The following PAPPA variants were observed in gnomAD, a reference collection of about 807,000 sequenced individuals.
PAPPA encodes the protein pappalysin-1.
In PAPPA, 60 loss-of-function variants were observed where a neutral mutation model predicts 164.0. The observed-to-expected ratio is 0.37, with a 90% CI of 0.30 to 0.45. The LOEUF is 0.45. Among genes scored for constraint, PAPPA ranks in the 20% least tolerant of loss-of-function variants. The pLI, the probability that PAPPA is intolerant of heterozygous loss-of-function variation, is 1.00. For missense variants in PAPPA, 1,782 were observed against 2,087.3 expected, an observed-to-expected ratio of 0.85 and a Z score of 2.85; for synonymous variants, 875 against 814.1, an observed-to-expected ratio of 1.07 and a Z score of -1.27.
chr9:116,187,660 G>A lies in PAPPA; in HGVS notation c.922G>A (p.Val308Met). The change falls in exon 2 of 22, where the codon GTG becomes ATG. Residue 308 changes from valine (V) to methionine (M), a missense_variant. Transcript: ENST00000328252. This position sits in a 1 kb window ranked among gnomAD's most constrained non-coding sequence, Gnocchi z 4.2. ...CATGAAGGATGGCAGCAGCCCCAAAGTGGAATTCAGCAATGCCCACGGCTT... is the reference window on the plus strand; with the variant it reads ...CATGAAGGATGGCAGCAGCCCCAAAATGGAATTCAGCAATGCCCACGGCTT... ...SPMKDGSSPK[V>M]EFSNAHGFLL... 6.2e-7 allele frequency: 1 copy of A among 1,614,266 alleles called. No homozygotes were observed. The highest frequency in any genetic ancestry group is 1.3e-5 in the African/African-American group (1 of 75,076).
chr9:116,206,575 C>G (rs1395421746), intron 2 of PAPPA, among the ~76,000 whole-genome samples: 1 of 152,154 alleles, frequency 6.6e-6, no homozygotes, highest in Non-Finnish European at 1.5e-5. Context: ...CACCAGGTAT[C>G]AAGCTTTGTG....
At chr9:116,337,247 A>G (rs928786507) in intron 13 of PAPPA, among the ~76,000 whole-genome samples, 1 of 152,152 alleles carries the variant, frequency 6.6e-6, no homozygotes, top group African/African-American at 2.4e-5. Context: ...CTGAGCTTGG[A>G]TCAGGCTATG....
At chr9:116,306,111 T>A (rs906957189) in intron 10 of PAPPA, among the ~76,000 whole-genome samples, 1 of 152,202 alleles carries the variant, frequency 6.6e-6, no homozygotes, top group Non-Finnish European at 1.5e-5. Context: ...CTTTCCCTGA[T>A]GCAATAAAAA....
chr9:116,162,641 T>C (rs1002317604), intron 1 of PAPPA, among the ~76,000 whole-genome samples: 2 of 152,210 alleles, frequency 1.3e-5, no homozygotes, highest in African/African-American at 4.8e-5. Context: ...TGTTACTTCA[T>C]AGGGTTGTTT....
At chr9:116,281,456 T>C (rs1370146660) in intron 9 of PAPPA, among the ~76,000 whole-genome samples, 4 of 152,064 alleles carry the variant, frequency 2.6e-5, no homozygotes, top group Admixed American at 6.6e-5. Flanking sequence ...TACCCTCGTG[T>C]CCCAACATCC....
intron 2 of PAPPA, among the ~76,000 whole-genome samples, chr9:116,199,189 G>A (rs546123321): frequency 6.6e-6 from 1 of 152,146 alleles, no homozygotes; most frequent in East Asian, 1.9e-4. Context: ...CCATTACCTG[G>A]TCCCATCACG....
At chr9:116,220,608 G>A (rs1844432393) in intron 5 of PAPPA, among the ~76,000 whole-genome samples, 1 of 151,404 alleles carries the variant, frequency 6.6e-6, no homozygotes, top group Non-Finnish European at 1.5e-5. Flanking sequence ...CATATACAAG[G>A]CCGGGCATGG....
At chr9:116,378,481 G>A (rs754938975) in intron 20 of PAPPA, among the ~76,000 whole-genome samples, 10 of 152,190 alleles carry the variant, frequency 6.6e-5, no homozygotes, top group South Asian at 4.1e-4. Flanking sequence ...TGAGGCAAAC[G>A]CAGGTGAAAA....
rs116115604 is a variant in PAPPA, at chr9:116,184,217, C to A, written c.416-2937C>A. Among the ~76,000 whole-genome samples the A allele has an allele frequency of 2.8e-3, 430 of 152,256 alleles. 1 individual carries two copies. The highest frequency in any genetic ancestry group is 9.5e-3 in the African/African-American group (396 of 41,550). On this transcript the variant is annotated intron_variant, in intron 1 of 21. Coordinates refer to ENST00000328252, the MANE Select transcript of PAPPA (RefSeq NM_002581.5). ...TCTCAACTGGTTCCATAACAGGCAGCAACAGATAGATCTGGCGCAACTCAC... is the reference window on the plus strand; with the variant it reads ...TCTCAACTGGTTCCATAACAGGCAGAAACAGATAGATCTGGCGCAACTCAC...
chr9:116,364,562 C>T (rs1306428542), intron 18 of PAPPA, among the ~76,000 whole-genome samples: 2 of 152,194 alleles, frequency 1.3e-5, no homozygotes, highest in Non-Finnish European at 2.9e-5. Context: ...ACAGCACTCA[C>T]ATGCAATACA....
At chr9:116,375,639 T>C (rs1385220587) in intron 19 of PAPPA, among the ~76,000 whole-genome samples, 1 of 152,204 alleles carries the variant, frequency 6.6e-6, no homozygotes, top group Non-Finnish European at 1.5e-5. Flanking sequence ...CCTGAGATTT[T>C]ATGGAGCAGA....
At chr9:116,385,067 C>T (rs1158235090) in intron 21 of PAPPA, among the ~76,000 whole-genome samples, 1 of 151,806 alleles carries the variant, frequency 6.6e-6, no homozygotes, top group Non-Finnish European at 1.5e-5. Flanking sequence ...AACCCCGTCT[C>T]TACTAAAAAT....
chr9:116,209,783 G>A (rs544186482), intron 3 of PAPPA, among the ~76,000 whole-genome samples: 58 of 152,256 alleles, frequency 3.8e-4, no homozygotes, highest in African/African-American at 1.3e-3. Context: ...GAAGCTTCAT[G>A]GAGAGACAGA....
intron 2 of PAPPA, among the ~76,000 whole-genome samples, chr9:116,204,382 T>G (rs945838832): frequency 6.6e-6 from 1 of 152,166 alleles, no homozygotes; most frequent in Admixed American, 6.5e-5. Context: ...GGATTTTGAT[T>G]GATTTTTCTG....
intron 9 of PAPPA, among the ~76,000 whole-genome samples, chr9:116,288,270 G>C (rs1419957354): frequency 6.6e-6 from 1 of 152,130 alleles, no homozygotes; most frequent in Non-Finnish European, 1.5e-5. Context: ...TTGGGAGGCT[G>C]AGGCAAGAGA....
intron 10 of PAPPA, among the ~76,000 whole-genome samples, chr9:116,306,468 G>T (rs1424662328): frequency 6.6e-6 from 1 of 152,144 alleles, no homozygotes; most frequent in Admixed American, 6.5e-5. Context: ...CCTGAACATT[G>T]AGTCTCATAT....
At chr9:116,339,333 T>C (rs1222795010) in intron 13 of PAPPA, among the ~76,000 whole-genome samples, 1 of 152,158 alleles carries the variant, frequency 6.6e-6, no homozygotes, top group Non-Finnish European at 1.5e-5. Context: ...CTCTGCTCTT[T>C]GGCCAGGCAC....
intron 9 of PAPPA, among the ~76,000 whole-genome samples, chr9:116,294,158 T>C (rs1462683322): frequency 3.3e-5 from 5 of 151,842 alleles, no homozygotes; most frequent in Admixed American, 2.6e-4. Flanking sequence ...GTAGAGTTAG[T>C]GTGATAATGT....
At chr9:116,336,301 C>A (rs944742355) in intron 13 of PAPPA, among the ~76,000 whole-genome samples, 2 of 152,068 alleles carry the variant, frequency 1.3e-5, no homozygotes, top group Non-Finnish European at 2.9e-5. Flanking sequence ...ACAGAGGACA[C>A]AAAAGGTGGT....
Sources: gnomAD v4.1 joint callset for allele counts (sites outside exome capture counted in the v4.1 genomes callset) on GRCh38, gnomAD v4.1.1 for gene constraint, Gnocchi (gnomAD v3.1) non-coding constraint, MANE v1.5 for transcripts, NCBI Gene and HGNC (gene_info 2026-07-23, HGNC 2026-07-21) for gene names.